The following CAMK1D variants were observed in gnomAD, a reference collection of about 807,000 sequenced individuals.
CAMK1D encodes calcium/calmodulin-dependent protein kinase type 1D.
CAMK1D carries 9 observed loss-of-function variants against 47.7 expected under a neutral mutation model. The ratio of observed to expected loss-of-function variants is 0.19; its 90% confidence interval spans 0.11 to 0.33. CAMK1D has a LOEUF of 0.33. Ranked by LOEUF, CAMK1D falls within the 10% of genes least tolerant of loss-of-function variation. CAMK1D has a pLI of 1.00. For synonymous variants in CAMK1D, 184 were observed against 184.9 expected (o/e 0.99, Z 0.04); for missense variants, 291 against 488.7 (o/e 0.60, Z 3.81).
intron 1 of CAMK1D, among the ~76,000 whole-genome samples, chr10:12,510,414 T>TAA (rs10682784): frequency 1.5e-3 from 229 of 151,002 alleles, no homozygotes; most frequent in Non-Finnish European, 2.4e-3. Flanking sequence ...AGACTCCGTC[T>TAA]AAAAAAAAAT....
At chr10:12,826,490 T>C (rs1833212885) in intron 10 of CAMK1D, among the ~76,000 whole-genome samples, 2 of 152,112 alleles carry the variant, frequency 1.3e-5, no homozygotes, top group South Asian at 4.1e-4. Flanking sequence ...GGCTATTCCA[T>C]CATCGAAGGC....
At chr10:12,479,888 A>T (rs940475635) in intron 1 of CAMK1D, among the ~76,000 whole-genome samples, 1 of 152,192 alleles carries the variant, frequency 6.6e-6, no homozygotes, top group African/African-American at 2.4e-5. Context: ...GCTGCTTATT[A>T]TCACTGTGTC....
At chr10:12,562,194 C>T (rs1346510611) in intron 2 of CAMK1D, among the ~76,000 whole-genome samples, 1 of 152,104 alleles carries the variant, frequency 6.6e-6, no homozygotes, top group Non-Finnish European at 1.5e-5. Flanking sequence ...GGCAGAAAAG[C>T]AGAAGGGCAA....
At chr10:12,384,360 A>G (rs963774958) in intron 1 of CAMK1D, among the ~76,000 whole-genome samples, 1 of 152,202 alleles carries the variant, frequency 6.6e-6, no homozygotes, top group Non-Finnish European at 1.5e-5. Flanking sequence ...TGGTGATCCT[A>G]AAATTCATAT....
chr10:12,373,955 TCA>T (rs1491486264), intron 1 of CAMK1D, among the ~76,000 whole-genome samples: 6 of 32,514 alleles, frequency 1.8e-4, no homozygotes, highest in African/African-American at 4.7e-4. Flanking sequence ...ACACTCTTTA[TCA>T]AAAAAAAAAA....
intron 1 of CAMK1D, among the ~76,000 whole-genome samples, chr10:12,443,554 T>C (rs1049407546): frequency 1.3e-5 from 2 of 152,184 alleles, no homozygotes; most frequent in Non-Finnish European, 2.9e-5. Flanking sequence ...AGCAAGTTTC[T>C]TCGGAAGGTA....
intron 3 of CAMK1D, among the ~76,000 whole-genome samples, chr10:12,687,784 C>G (rs948464840): frequency 6.6e-6 from 1 of 152,148 alleles, no homozygotes; most frequent in Non-Finnish European, 1.5e-5. Context: ...CTGTTGCAGG[C>G]TACAGTGTCA....
intron 1 of CAMK1D, among the ~76,000 whole-genome samples, chr10:12,478,430 TAC>T (rs889792943): frequency 1.3e-5 from 2 of 152,062 alleles, no homozygotes; most frequent in Non-Finnish European, 2.9e-5. Flanking sequence ...GCCTCCTGAG[TAC>T]CTGGGACTAC....
At chr10:12,371,187 CCACTCACT>C (rs370568920) in intron 1 of CAMK1D, among the ~76,000 whole-genome samples, 1 of 151,874 alleles carries the variant, frequency 6.6e-6, no homozygotes, top group African/African-American at 2.4e-5. Context: ...CATTCACTCA[CCACTCACT>C]CACTCACTCA....
chr10:12,601,169 ATAGTTTTTTTTTT>A, intron 2 of CAMK1D, among the ~76,000 whole-genome samples: 2 of 135,936 alleles, frequency 1.5e-5, no homozygotes, highest in Middle Eastern at 7.1e-3. Flanking sequence ...GGATAAAATG[ATAGTTTTTTTTTT>A]TTGTTTGTTT....
chr10:12,427,698 C>CTGTTTTTTTTGTTTTTTTT (rs1840282580), intron 1 of CAMK1D, among the ~76,000 whole-genome samples: 1 of 27,366 alleles, frequency 3.7e-5, no homozygotes, highest in African/African-American at 1.1e-4. Context: ...ACTGAACTTA[C>CTGTTTTTTTTGTTTTTTTT]TGTTTTTTTT....
chr10:12,370,752 G>A (rs992474134), intron 1 of CAMK1D, among the ~76,000 whole-genome samples: 10 of 152,116 alleles, frequency 6.6e-5, no homozygotes, highest in Admixed American at 3.3e-4. Flanking sequence ...GGGACTACAG[G>A]CATGCGCCAC....
chr10:12,637,407 C>A (rs577002889), intron 2 of CAMK1D, among the ~76,000 whole-genome samples: 3 of 152,328 alleles, frequency 2.0e-5, no homozygotes, highest in South Asian at 2.1e-4. Flanking sequence ...TAGGTCCCTT[C>A]AGTGTTGCGA....
chr10:12,371,389 A>C (rs1267714316), intron 1 of CAMK1D, among the ~76,000 whole-genome samples: 1 of 151,748 alleles, frequency 6.6e-6, no homozygotes, highest in Non-Finnish European at 1.5e-5. Flanking sequence ...ATCCTGGCTA[A>C]CACGGTGAAA....
At position 12,349,764 on chromosome 10, in the gene CAMK1D, G is replaced by A. The variant is rs914534147; in HGVS notation, c.-55G>A. ...GCCTCTGCGCCCGCGCCGCGCCCCC[G>A]GCGCCCCCTCCCCAGCGCGCCCCCG... On this transcript the variant is annotated 5_prime_UTR_variant, in exon 1 of 11. Coordinates refer to ENST00000619168, the MANE Select transcript of CAMK1D (RefSeq NM_153498.4). The A allele has an allele frequency of 4.4e-5, 37 of 836,474 alleles. 1 individual carries two copies. The highest frequency in any genetic ancestry group is 5.5e-5 in the Non-Finnish European group (37 of 666,726). 51.8% of individuals were successfully genotyped at this position (836,474 alleles called of 1,614,324 possible). A position where few individuals can be genotyped will look rare whatever the true frequency, so the allele number is the denominator to read the frequency against.
chr10:12,403,178 G>A (rs754176000), intron 1 of CAMK1D, among the ~76,000 whole-genome samples: 4 of 152,232 alleles, frequency 2.6e-5, no homozygotes, highest in Non-Finnish European at 4.4e-5. Flanking sequence ...TGAGGACCAC[G>A]TTGGACACGT....
chr10:12,760,297 A>C (rs1309839551), intron 3 of CAMK1D, among the ~76,000 whole-genome samples: 3 of 152,216 alleles, frequency 2.0e-5, no homozygotes, highest in Non-Finnish European at 2.9e-5. Context: ...GCATCACTAA[A>C]ACCAAAGCAA....
intron 2 of CAMK1D, among the ~76,000 whole-genome samples, chr10:12,660,823 C>A (rs910297790): frequency 6.6e-6 from 1 of 152,184 alleles, no homozygotes; most frequent in South Asian, 2.1e-4. Context: ...CTTTGAATTA[C>A]GCACATTTCA....
rs535214333 is a variant in CAMK1D, at chr10:12,595,342, G to GAAAAAAAAAAAAA, written c.224+41996_224+42008dup. On this transcript the variant is annotated intron_variant, in intron 2 of 10. Coordinates refer to ENST00000619168, the MANE Select transcript of CAMK1D (RefSeq NM_153498.4). ...GGGCAACAAGAGTGAAACTCCATCT[G>GAAAAAAAAAAAAA]AAAAAAAAAAAAAAAAAAAAAAGGA... is the stretch of plus-strand genomic sequence containing the variant. Among the ~76,000 whole-genome samples the GAAAAAAAAAAAAA allele has an allele frequency of 1.3e-3, 30 of 23,564 alleles. 13 individuals carry two copies. Among genetic ancestry groups the GAAAAAAAAAAAAA allele is most frequent in the African/African-American group, 2.9e-3 (16 of 5,542 alleles). The allele number at this position is 23,564 out of a possible 152,430, so 15.5% of individuals were successfully genotyped here.
Sources: gnomAD v4.1 joint callset for allele counts (sites outside exome capture counted in the v4.1 genomes callset) on GRCh38, gnomAD v4.1.1 for gene constraint, MANE v1.5 for transcripts, NCBI Gene and HGNC (gene_info 2026-07-23, HGNC 2026-07-21) for gene names.